Variants in LOC128706666 observed in about 807,000 individuals in gnomAD.
the LOC128706666 span, among the ~76,000 whole-genome samples, chr20:10,428,281 G>T: frequency 6.6e-6 from 1 of 152,294 alleles, no homozygotes; most frequent in South Asian, 2.1e-4. Flanking sequence ...GAGGAGAGGG[G>T]AGTAGGTATC....
the LOC128706666 span, among the ~76,000 whole-genome samples, chr20:10,430,781 G>T: frequency 6.6e-6 from 1 of 152,210 alleles, no homozygotes; most frequent in South Asian, 2.1e-4. Flanking sequence ...GAGCAAAGAA[G>T]CAAAGACGGT....
the LOC128706666 span, among the ~76,000 whole-genome samples, chr20:10,417,606 G>T: frequency 7.2e-5 from 11 of 152,074 alleles, no homozygotes; most frequent in Admixed American, 3.9e-4. Context: ...CAAGGCCTGT[G>T]CCCAAGAGTT....
At chr20:10,415,379 T>C in the LOC128706666 span, among the ~76,000 whole-genome samples, 1 of 152,198 alleles carries the variant, frequency 6.6e-6, no homozygotes, top group Admixed American at 6.5e-5. Flanking sequence ...TGCAAAGAGG[T>C]GGGCAGAACA....
the LOC128706666 span, among the ~76,000 whole-genome samples, chr20:10,417,894 G>A: frequency 6.6e-6 from 1 of 152,172 alleles, no homozygotes; most frequent in Non-Finnish European, 1.5e-5. Context: ...GAAGCAATCA[G>A]CCAAACTGAG....
At chr20:10,418,079 A>T in the LOC128706666 span, among the ~76,000 whole-genome samples, 2 of 152,206 alleles carry the variant, frequency 1.3e-5, no homozygotes, top group African/African-American at 4.8e-5. Context: ...AATTGTAGGT[A>T]AAGAGTCACT....
chr20:10,428,703 G>A, the LOC128706666 span, among the ~76,000 whole-genome samples: 1 of 152,156 alleles, frequency 6.6e-6, no homozygotes, highest in Non-Finnish European at 1.5e-5. Context: ...AGCTGGATGT[G>A]GTGGGTGCAC....
At chr20:10,416,385 A>G in the LOC128706666 span, among the ~76,000 whole-genome samples, 1 of 152,208 alleles carries the variant, frequency 6.6e-6, no homozygotes, top group African/African-American at 2.4e-5. Flanking sequence ...TAAGGATGTT[A>G]TTAAAGACTA....
the LOC128706666 span, among the ~76,000 whole-genome samples, chr20:10,430,292 C>T: frequency 3.3e-5 from 5 of 152,208 alleles, no homozygotes; most frequent in Non-Finnish European, 7.3e-5. Context: ...TCACTTACCA[C>T]TTTACAACTG....
the LOC128706666 span, among the ~76,000 whole-genome samples, chr20:10,414,384 C>T: frequency 4.6e-5 from 7 of 151,694 alleles, no homozygotes; most frequent in African/African-American, 1.5e-4. Context: ...TCCTGCCTCA[C>T]CCTCCTCAGT....
the LOC128706666 span, among the ~76,000 whole-genome samples, chr20:10,423,132 C>G: frequency 1.3e-5 from 2 of 151,986 alleles, no homozygotes; most frequent in South Asian, 2.1e-4. Flanking sequence ...GAAAAAAAAC[C>G]CTAGCTTATA....
the LOC128706666 span, chr20:10,420,848 T>G: frequency 1.3e-5 from 2 of 152,238 alleles, no homozygotes; most frequent in African/African-American, 4.8e-5. Flanking sequence ...AGTAGCATGC[T>G]GTACTCTAAC....
the LOC128706666 span, among the ~76,000 whole-genome samples, chr20:10,421,424 A>C: frequency 1.4e-4 from 22 of 152,130 alleles, no homozygotes; most frequent in African/African-American, 5.1e-4. Flanking sequence ...CACAAAAAAA[A>C]AAAAAAAAAA....
At chr20:10,417,493 C>A in the LOC128706666 span, among the ~76,000 whole-genome samples, 1 of 152,110 alleles carries the variant, frequency 6.6e-6, no homozygotes, top group Non-Finnish European at 1.5e-5. Flanking sequence ...TGCCTATAGT[C>A]CCAGCTACTT....
At chr20:10,421,792 A>T in the LOC128706666 span, among the ~76,000 whole-genome samples, 13 of 151,580 alleles carry the variant, frequency 8.6e-5, no homozygotes, top group Non-Finnish European at 1.3e-4. Flanking sequence ...ATATATATAT[A>T]TTTTAAATTT....
chr20:10,417,227 C>T, the LOC128706666 span, among the ~76,000 whole-genome samples: 1 of 129,932 alleles, frequency 7.7e-6, no homozygotes, highest in Admixed American at 8.6e-5. Context: ...GCCTGGGTGA[C>T]AGAGTGAGAC....
chr20:10,417,763 C>G, the LOC128706666 span, among the ~76,000 whole-genome samples: 2 of 151,720 alleles, frequency 1.3e-5, no homozygotes, highest in African/African-American at 4.8e-5. Flanking sequence ...CAGTACCATC[C>G]ATGAAGTATT....
the LOC128706666 span, among the ~76,000 whole-genome samples, chr20:10,432,783 C>G: frequency 1.8e-5 from 1 of 55,142 alleles, no homozygotes. Flanking sequence ...GAGCGAGACT[C>G]TTTGTCAAAA....
the LOC128706666 span, among the ~76,000 whole-genome samples, chr20:10,426,695 C>T: frequency 1.6e-4 from 25 of 152,302 alleles, no homozygotes; most frequent in African/African-American, 5.8e-4. Flanking sequence ...ATGCACGCCC[C>T]GTGGCATGTC....
At chr20:10,420,911 CAAAA>C in the LOC128706666 span, among the ~76,000 whole-genome samples, 1 of 152,108 alleles carries the variant, frequency 6.6e-6, no homozygotes, top group Non-Finnish European at 1.5e-5. Context: ...TGTTAATAAA[CAAAA>C]AGAGACATGT....
Sources: gnomAD v4.1 joint callset for allele counts (sites outside exome capture counted in the v4.1 genomes callset) on GRCh38, gnomAD v4.1.1 for gene constraint, MANE v1.5 for transcripts.